Variants in DLGAP2 observed in about 807,000 individuals in gnomAD.
DLGAP2 encodes the protein disks large-associated protein 2.
A neutral mutation model predicts 100.3 loss-of-function variants in DLGAP2; 26 were observed. That is an observed-to-expected ratio of 0.26 (90% CI 0.19 to 0.36). DLGAP2 has a LOEUF of 0.36. DLGAP2 is among the 10% of genes least tolerant of loss of function. The probability of loss-of-function intolerance (pLI) is 1.00; values close to 1 mark genes in which losing one functional copy is unlikely to be tolerated. For missense variants in DLGAP2, 1,858 were observed against 1,453.2 expected, an observed-to-expected ratio of 1.28 and a Z score of -4.53; for synonymous variants, 886 against 630.1, an observed-to-expected ratio of 1.41 and a Z score of -6.08.
At chr8:1,022,584 C>T (rs1801658848) in intron 2 of DLGAP2, among the ~76,000 whole-genome samples, 1 of 140,178 alleles carries the variant, frequency 7.1e-6, no homozygotes, top group African/African-American at 2.7e-5. Context: ...CCAGCCGCCA[C>T]CCATCCTCCC....
intron 5 of DLGAP2, among the ~76,000 whole-genome samples, chr8:1,561,744 ACTGTGTGGTGTTGGGGTGTCCG>A (rs1802171789): frequency 2.2e-5 from 2 of 92,962 alleles, no homozygotes; most frequent in African/African-American, 4.6e-5. Context: ...TTTCTGGGGG[ACTGTGTGGTGTTGGGGTGTCCG>A]CGCCTCGTTA....
At chr8:1,287,537 G>GTT (rs1391614911) in intron 3 of DLGAP2, among the ~76,000 whole-genome samples, 2 of 102,654 alleles carry the variant, frequency 1.9e-5, no homozygotes, top group Non-Finnish European at 3.7e-5. Flanking sequence ...CAGTGTGTGT[G>GTT]TGTGTGTATG....
chr8:1,607,840 A>G (rs9694734), intron 6 of DLGAP2, among the ~76,000 whole-genome samples: 8 of 151,188 alleles, frequency 5.3e-5, no homozygotes, highest in Non-Finnish European at 5.9e-5. Context: ...ACCGGCTTAA[A>G]AAACGGCGCA....
chr8:818,532 C>T (rs1796527947), intron 1 of DLGAP2, among the ~76,000 whole-genome samples: 1 of 152,178 alleles, frequency 6.6e-6, no homozygotes, highest in Non-Finnish European at 1.5e-5. Flanking sequence ...TGTGGATTCT[C>T]TTGGCTTTCC....
In DLGAP2 at chr8:1,238,160, C is replaced by A. The variant is rs761250378; in HGVS notation, c.74-20691C>A. ...GTGTCTAGTTCTCTCTCACACATAG[C>A]GTCATGTCTAGTTCTCTCTCACACA... On this transcript the variant is annotated intron_variant, in intron 2 of 14. Transcript: ENST00000637795. Among the ~76,000 whole-genome samples the A allele has an allele frequency of 7.1e-5, 2 of 28,190 alleles. 1 individual carries two copies. Among genetic ancestry groups the A allele is most frequent in the Non-Finnish European group, 1.3e-4 (2 of 15,418 alleles). 18.5% of individuals were successfully genotyped at this position (28,190 alleles called of 152,430 possible). A position where few individuals can be genotyped will look rare whatever the true frequency, so the allele number is the denominator to read the frequency against.
intron 2 of DLGAP2, among the ~76,000 whole-genome samples, chr8:1,239,919 G>A (rs1798746596): frequency 1.6e-5 from 2 of 125,736 alleles, no homozygotes; most frequent in South Asian, 2.9e-4. Flanking sequence ...TCTCTCACAT[G>A]GCACCGTGTC....
chr8:1,052,989 A>T (rs980693809), intron 2 of DLGAP2, among the ~76,000 whole-genome samples: 1 of 152,206 alleles, frequency 6.6e-6, no homozygotes, highest in African/African-American at 2.4e-5. Flanking sequence ...TCCTTAATTA[A>T]CAAATTTGCT....
intron 2 of DLGAP2, among the ~76,000 whole-genome samples, chr8:1,227,093 G>T (rs981931252): frequency 4.5e-5 from 6 of 133,088 alleles, no homozygotes; most frequent in Non-Finnish European, 9.0e-5. Flanking sequence ...TTTCACAATA[G>T]CCGAGATACA....
chr8:1,186,094 C>G (rs948389214), intron 2 of DLGAP2, among the ~76,000 whole-genome samples: 4 of 152,182 alleles, frequency 2.6e-5, no homozygotes, highest in Admixed American at 6.5e-5. Flanking sequence ...CCCGGGCCAC[C>G]TCCCCACTCG....
intron 2 of DLGAP2, among the ~76,000 whole-genome samples, chr8:1,063,298 T>C (rs1803144191): frequency 6.6e-6 from 1 of 152,142 alleles, no homozygotes; most frequent in African/African-American, 2.4e-5. Context: ...GTTTTAAGTG[T>C]GATGGGAATT....
At chr8:977,653 ATATAAT>A (rs1229730820) in intron 2 of DLGAP2, among the ~76,000 whole-genome samples, 1 of 152,244 alleles carries the variant, frequency 6.6e-6, no homozygotes, top group Non-Finnish European at 1.5e-5. Flanking sequence ...TCTTTGTGAA[ATATAAT>A]TAGAACATTT....
chr8:1,047,931 T>C (rs1802560008), intron 2 of DLGAP2, among the ~76,000 whole-genome samples: 1 of 152,214 alleles, frequency 6.6e-6, no homozygotes, highest in African/African-American at 2.4e-5. Flanking sequence ...CGTTGATCTA[T>C]ATGTCTAGCC....
chr8:1,442,073 G>A (rs1345658514), intron 3 of DLGAP2, among the ~76,000 whole-genome samples: 1 of 152,182 alleles, frequency 6.6e-6, no homozygotes, highest in East Asian at 1.9e-4. Flanking sequence ...ACTAAACTCA[G>A]GAGCAACAGA....
At chr8:1,459,970 G>T (rs144885138) in intron 3 of DLGAP2, among the ~76,000 whole-genome samples, 2 of 152,246 alleles carry the variant, frequency 1.3e-5, no homozygotes, top group East Asian at 3.9e-4. Context: ...ACTCACAGAG[G>T]TTCGGGACCT....
intron 3 of DLGAP2, among the ~76,000 whole-genome samples, chr8:1,360,574 A>G (rs1431885913): frequency 6.6e-6 from 1 of 152,136 alleles, no homozygotes; most frequent in Non-Finnish European, 1.5e-5. Context: ...CTGGGCTGGC[A>G]GGTACCCCGA....
At chr8:899,798 G>T (rs559188090) in intron 1 of DLGAP2, among the ~76,000 whole-genome samples, 3 of 152,306 alleles carry the variant, frequency 2.0e-5, no homozygotes, top group Admixed American at 6.5e-5. Flanking sequence ...TCACATCTCA[G>T]GCTCATGTGG....
At chr8:1,505,020 G>A (rs1405727789) in intron 4 of DLGAP2, among the ~76,000 whole-genome samples, 1 of 152,168 alleles carries the variant, frequency 6.6e-6, no homozygotes, top group African/African-American at 2.4e-5. Flanking sequence ...GAAGGAAGAA[G>A]GAAGGAAAGA....
chr8:759,953 T>G (rs866124806), intron 1 of DLGAP2, among the ~76,000 whole-genome samples: 5 of 152,344 alleles, frequency 3.3e-5, no homozygotes, highest in Middle Eastern at 3.4e-3. Context: ...CTCATTTCGC[T>G]TCCACCACCC....
At chr8:802,155 T>C (rs71516111) in intron 1 of DLGAP2, among the ~76,000 whole-genome samples, 1,323 of 32,844 alleles carry the variant, frequency 0.04, no homozygotes, top group East Asian at 0.092. Context: ...TGGTCCGCAC[T>C]CCTCCTGGGT....
Sources: allele counts gnomAD v4.1 joint callset (sites outside exome capture counted in the v4.1 genomes callset), GRCh38; gene constraint gnomAD v4.1.1; transcripts MANE v1.5; gene names NCBI Gene and HGNC (gene_info 2026-07-23, HGNC 2026-07-21).